Variants in B4GALT6 observed in about 807,000 individuals in gnomAD.
The protein encoded by B4GALT6 is beta-1,4-galactosyltransferase 6, also known as UDP-Gal:beta-GlcNAc beta-1,4-galactosyltransferase 6.
In B4GALT6, 14 loss-of-function variants were observed where a neutral mutation model predicts 46.3. That is an observed-to-expected ratio of 0.30 (90% CI 0.20 to 0.47). The LOEUF is 0.47. B4GALT6 is among the 20% of genes least tolerant of loss of function. The pLI, the probability that B4GALT6 is intolerant of heterozygous loss-of-function variation, is 0.99. For missense variants in B4GALT6, 386 were observed against 480.1 expected (o/e 0.80, Z 1.83); for synonymous variants, 168 against 162.0 (o/e 1.04, Z -0.28).
chr18:31,692,581 G>A, the B4GALT6 span, among the ~76,000 whole-genome samples: 25 of 152,228 alleles, frequency 1.6e-4, no homozygotes, highest in Non-Finnish European at 2.8e-4. Context: ...AAAAGGATGT[G>A]TTCTTATTTT....
At chr18:31,664,991 G>T (rs2074266347) in intron 2 of B4GALT6, among the ~76,000 whole-genome samples, 1 of 152,154 alleles carries the variant, frequency 6.6e-6, no homozygotes, top group East Asian at 1.9e-4. Flanking sequence ...CAAATGACTA[G>T]AATGGATTTT....
the B4GALT6 span, among the ~76,000 whole-genome samples, chr18:31,721,583 C>T: frequency 2.6e-5 from 4 of 152,200 alleles, no homozygotes; most frequent in East Asian, 3.8e-4. Context: ...AAGCAGTTGA[C>T]GCTAAGTAAA....
upstream of B4GALT6, among the ~76,000 whole-genome samples, chr18:31,685,403 A>G (rs1170820993): frequency 1.3e-5 from 2 of 151,370 alleles, no homozygotes; most frequent in Non-Finnish European, 3.0e-5. Flanking sequence ...GGAGCCGCGG[A>G]GGAAAACCGG....
In B4GALT6 at chr18:31,665,728, C is replaced by T. The variant is rs185818610; in HGVS notation, c.232+528G>A. 4.5e-3 allele frequency among the ~76,000 whole-genome samples: 685 copies of T among 152,040 alleles called. 5 individuals carry two copies. The highest frequency in any genetic ancestry group is 0.01 in the Middle Eastern group (3 of 294). ...CTGCACTCCAGCCTGGGCAACAGAG[C>T]GAGACTCTGTCTAAAAAAATAAATA... On this transcript the variant is annotated intron_variant, in intron 2 of 8. Coordinates refer to ENST00000306851, the MANE Select transcript of B4GALT6 (RefSeq NM_004775.5).
intron 8 of B4GALT6, 138 bp downstream of exon 8, chr18:31,626,145 C>A: frequency 3.8e-6 from 2 of 531,560 alleles, no homozygotes; most frequent in Non-Finnish European, 6.6e-6. Context: ...GTAAAGATTC[C>A]CTTCAGCAAA....
chr18:31,689,994 C>A (rs8084191), upstream of B4GALT6, among the ~76,000 whole-genome samples: 4 of 152,186 alleles, frequency 2.6e-5, no homozygotes, highest in South Asian at 8.3e-4. Flanking sequence ...CTGAGAATCT[C>A]GAGAGATAGC....
intron 2 of B4GALT6, among the ~76,000 whole-genome samples, chr18:31,663,104 CAA>C (rs2074239226): frequency 6.6e-6 from 1 of 152,146 alleles, no homozygotes; most frequent in South Asian, 2.1e-4. Context: ...AAAAGGCAAA[CAA>C]AGAATGAAAA....
chr18:31,629,639 G>T (rs1390887067), intron 6 of B4GALT6, among the ~76,000 whole-genome samples: 1 of 150,308 alleles, frequency 6.7e-6, no homozygotes, highest in East Asian at 2.0e-4. Flanking sequence ...CACAAGGTCA[G>T]GAGATCAAGA....
At chr18:31,669,242 G>T (rs188696138) in intron 1 of B4GALT6, among the ~76,000 whole-genome samples, 1 of 152,118 alleles carries the variant, frequency 6.6e-6, no homozygotes, top group Non-Finnish European at 1.5e-5. Context: ...CGTAATTTTC[G>T]AATCTCTTCT....
the B4GALT6 span, among the ~76,000 whole-genome samples, chr18:31,693,852 C>T: frequency 6.6e-6 from 1 of 151,952 alleles, no homozygotes; most frequent in African/African-American, 2.4e-5. Flanking sequence ...CCTGTAGTCC[C>T]AGCTACTCAG....
At chr18:31,700,487 C>T in the B4GALT6 span, among the ~76,000 whole-genome samples, 4 of 139,732 alleles carry the variant, frequency 2.9e-5, no homozygotes, top group African/African-American at 7.9e-5. Flanking sequence ...GACAGAGTCT[C>T]GCTCTGTCGC....
intron 3 of B4GALT6, among the ~76,000 whole-genome samples, chr18:31,648,941 T>C (rs2074026005): frequency 6.6e-6 from 1 of 152,220 alleles, no homozygotes; most frequent in South Asian, 2.1e-4. Flanking sequence ...CTTTTGTCTG[T>C]TTTACCCTCA....
chr18:31,713,536 C>T, the B4GALT6 span, among the ~76,000 whole-genome samples: 3 of 152,096 alleles, frequency 2.0e-5, no homozygotes, highest in Admixed American at 1.3e-4. Flanking sequence ...CAAACTTGTC[C>T]ATTTAGAATG....
intron 5 of B4GALT6, 54 bp from the exon 6 acceptor site, chr18:31,631,200 C>CAT: frequency 9.6e-6 from 11 of 1,148,118 alleles, no homozygotes; most frequent in Non-Finnish European, 1.0e-5. Flanking sequence ...ACTTCATCAT[C>CAT]TTTTTTTTTT....
chr18:31,659,809 T>G (rs2074189484), intron 2 of B4GALT6, among the ~76,000 whole-genome samples: 1 of 152,060 alleles, frequency 6.6e-6, no homozygotes. Context: ...ATTAATTGTT[T>G]TGTATGCCCA....
the B4GALT6 span, among the ~76,000 whole-genome samples, chr18:31,704,764 A>G: frequency 4.9e-3 from 742 of 152,324 alleles, 6 homozygotes; most frequent in African/African-American, 0.017. Flanking sequence ...TTAAAGTTAA[A>G]CCACCTATAA....
At chr18:31,652,036 C>T (rs2074077177) in intron 3 of B4GALT6, among the ~76,000 whole-genome samples, 1 of 152,164 alleles carries the variant, frequency 6.6e-6, no homozygotes, top group African/African-American at 2.4e-5. Context: ...TCTCAAAGTG[C>T]TGGGATTACA....
At chr18:31,664,167 G>A (rs200141344) in intron 2 of B4GALT6, among the ~76,000 whole-genome samples, 1 of 47,906 alleles carries the variant, frequency 2.1e-5, no homozygotes, top group Non-Finnish European at 4.6e-5. Flanking sequence ...TCAAACAGCA[G>A]CCATCTTAGA....
At chr18:31,712,757 G>T in the B4GALT6 span, among the ~76,000 whole-genome samples, 2 of 152,104 alleles carry the variant, frequency 1.3e-5, no homozygotes, top group Admixed American at 6.6e-5. Context: ...GTGGTGTTAT[G>T]CTCCTTCTGA....
Sources: allele counts gnomAD v4.1 joint callset (sites outside exome capture counted in the v4.1 genomes callset), GRCh38; gene constraint gnomAD v4.1.1; transcripts MANE v1.5; gene names NCBI Gene and HGNC (gene_info 2026-07-23, HGNC 2026-07-21).